The following UBE2F variants were observed in gnomAD, a reference collection of about 807,000 sequenced individuals.
UBE2F encodes the protein NEDD8-conjugating enzyme UBE2F.
UBE2F carries 5 observed loss-of-function variants against 29.6 expected under a neutral mutation model. That is an observed-to-expected ratio of 0.17 (90% confidence interval 0.09 to 0.36). The LOEUF is 0.36. UBE2F is among the 10% of genes least tolerant of loss of function. UBE2F has a pLI of 1.00. For missense variants in UBE2F, 141 were observed against 228.5 expected, an observed-to-expected ratio of 0.62 and a Z score of 2.47; for synonymous variants, 66 against 81.8, an observed-to-expected ratio of 0.81 and a Z score of 1.04.
In UBE2F at chr2:237,982,317, C is replaced by G. The variant is rs113373881; in HGVS notation, c.119-5646C>G. 0.02 allele frequency among the ~76,000 whole-genome samples: 3,027 copies of G among 152,258 alleles called. 42 individuals carry two copies. Among genetic ancestry groups the G allele is most frequent in the Middle Eastern group, 0.031 (9 of 294 alleles). ...CCTGGCTCTGTTGCCCATTTCTTCC[C>G]ACTCCTCCGCCCTACCACATCACAG... is the stretch of plus-strand genomic sequence containing the variant. On this transcript the variant is annotated intron_variant, in intron 2 of 9. Transcript: ENST00000272930. The surrounding 1 kb of genome is among the most constrained non-coding windows in gnomAD (Gnocchi z 4.1).
chr2:238,028,170 G>T (rs1467136855), intron 6 of UBE2F, among the ~76,000 whole-genome samples: 3 of 152,244 alleles, frequency 2.0e-5, no homozygotes, highest in African/African-American at 7.2e-5. Context: ...CACCCCTGAT[G>T]GGCCTCACTG....
At chr2:237,993,690 G>A (rs1382433461) in intron 3 of UBE2F, among the ~76,000 whole-genome samples, 2 of 152,168 alleles carry the variant, frequency 1.3e-5, no homozygotes, top group Non-Finnish European at 2.9e-5. Context: ...TCCAGTCCAG[G>A]CAACAGAGTG....
intron 5 of UBE2F, among the ~76,000 whole-genome samples, chr2:238,022,132 G>A (rs982261456): frequency 4.0e-5 from 6 of 149,840 alleles, no homozygotes; most frequent in South Asian, 2.1e-4. Context: ...ATGGTATCTC[G>A]TTTAATATCC....
At chr2:237,987,084 T>A (rs1311349544) in intron 2 of UBE2F, among the ~76,000 whole-genome samples, 2 of 152,246 alleles carry the variant, frequency 1.3e-5, no homozygotes, top group African/African-American at 4.8e-5. Context: ...TTGGGTAGTA[T>A]GGACATTTTA....
At chr2:237,975,364 C>T (rs1195983371) in intron 2 of UBE2F, among the ~76,000 whole-genome samples, 1 of 151,972 alleles carries the variant, frequency 6.6e-6, no homozygotes, top group African/African-American at 2.4e-5. Flanking sequence ...CGCACCTCGG[C>T]CTTCCCAAAG....
At position 237,982,726 on chromosome 2, in the gene UBE2F, A is replaced by G. The variant is rs990133977; in HGVS notation, c.119-5237A>G. 7.9e-5 allele frequency among the ~76,000 whole-genome samples: 12 copies of G among 152,252 alleles called. No homozygotes were observed. The highest frequency in any genetic ancestry group is 2.7e-4 in the African/African-American group (11 of 41,468). ...TTGCTTTAAGATCAAGTTTAATTATATAGGTAACCCTTATTTAAAAGTGAT... is the reference window on the plus strand; with the variant it reads ...TTGCTTTAAGATCAAGTTTAATTATGTAGGTAACCCTTATTTAAAAGTGAT... On this transcript the variant is annotated intron_variant, in intron 2 of 9. Transcript: ENST00000272930. This position sits in a 1 kb window ranked among gnomAD's most constrained non-coding sequence, Gnocchi z 4.1.
intron 5 of UBE2F, among the ~76,000 whole-genome samples, chr2:238,023,887 C>T (rs904404588): frequency 3.3e-5 from 5 of 152,154 alleles, no homozygotes; most frequent in African/African-American, 1.2e-4. Flanking sequence ...CCAGCAGATC[C>T]TCTTCCTGGG....
intron 2 of UBE2F, among the ~76,000 whole-genome samples, chr2:237,973,906 G>C (rs1457736983): frequency 1.3e-5 from 2 of 151,936 alleles, no homozygotes; most frequent in Non-Finnish European, 2.9e-5. Context: ...GGTTTCTTGG[G>C]GGTCATAAGA....
chr2:238,001,163 A>C (rs2063785866), intron 4 of UBE2F, among the ~76,000 whole-genome samples: 1 of 150,716 alleles, frequency 6.6e-6, no homozygotes, highest in Non-Finnish European at 1.5e-5. Flanking sequence ...CCTCCCAAGT[A>C]GCTGGGATTA....
intron 6 of UBE2F, 55 bp from the exon 7 acceptor site, chr2:238,030,501 G>A (rs376814649): frequency 5.6e-5 from 75 of 1,345,560 alleles, no homozygotes; most frequent in African/African-American, 4.6e-4. Context: ...AGTTGGCAGC[G>A]TGCAGGGCAC....
At chr2:238,009,375 T>C (rs2106373909) in intron 4 of UBE2F, among the ~76,000 whole-genome samples, 1 of 152,350 alleles carries the variant, frequency 6.6e-6, no homozygotes, top group South Asian at 2.1e-4. Context: ...TACATATAGA[T>C]TACTTCTACG....
chr2:238,013,207 C>T (rs1467276363), intron 4 of UBE2F, among the ~76,000 whole-genome samples: 1 of 152,102 alleles, frequency 6.6e-6, no homozygotes, highest in African/African-American at 2.4e-5. Context: ...GAGTTCGAGG[C>T]TGCAGTGAGC....
At chr2:238,030,698 T>C (rs536803110) in intron 7 of UBE2F, 85 bp downstream of exon 7, 32 of 963,930 alleles carry the variant, frequency 3.3e-5, no homozygotes, top group Non-Finnish European at 5.3e-5. Context: ...AAGCAGCACA[T>C]GTCCTTGCCT....
chr2:238,016,860 C>T (rs1005555307), intron 5 of UBE2F, among the ~76,000 whole-genome samples: 4 of 152,172 alleles, frequency 2.6e-5, no homozygotes, highest in African/African-American at 9.7e-5. Flanking sequence ...ATGTGCCAGG[C>T]AGCCTGCCTG....
At chr2:238,028,972 A>C (rs1200614630) in intron 6 of UBE2F, 5 of 152,174 alleles carry the variant, frequency 3.3e-5, no homozygotes, top group Non-Finnish European at 7.3e-5. Flanking sequence ...AAATTATTTA[A>C]AATTTTTTTT....
chr2:238,023,305 T>C (rs899941853), intron 5 of UBE2F, among the ~76,000 whole-genome samples: 1 of 152,214 alleles, frequency 6.6e-6, no homozygotes, highest in African/African-American at 2.4e-5. Flanking sequence ...TACATTCCCA[T>C]TTATTTGTAG....
chr2:238,027,520 G>T (rs1387550713), intron 6 of UBE2F, among the ~76,000 whole-genome samples: 1 of 152,206 alleles, frequency 6.6e-6, no homozygotes, highest in Non-Finnish European at 1.5e-5. Flanking sequence ...CAGAGAGCGA[G>T]CAGGCTCTCT....
At chr2:237,969,747 G>A (rs1394449566) in intron 1 of UBE2F, among the ~76,000 whole-genome samples, 1 of 152,180 alleles carries the variant, frequency 6.6e-6, no homozygotes, top group Non-Finnish European at 1.5e-5. Flanking sequence ...GATCATTCCA[G>A]GTAGGGGCTG....
At chr2:238,036,035 A>C (rs996772971) in intron 9 of UBE2F, 95 bp downstream of exon 9, 1 of 1,137,498 alleles carries the variant, frequency 8.8e-7, no homozygotes, top group Non-Finnish European at 1.3e-6. Flanking sequence ...TTTATCCACC[A>C]AGAGAGTGGT....
Sources: gnomAD v4.1 joint callset for allele counts (sites outside exome capture counted in the v4.1 genomes callset) on GRCh38, gnomAD v4.1.1 for gene constraint, Gnocchi (gnomAD v3.1) non-coding constraint, MANE v1.5 for transcripts, NCBI Gene and HGNC (gene_info 2026-07-23, HGNC 2026-07-21) for gene names.